Variants in KDM3A observed in about 807,000 individuals in gnomAD.
The protein encoded by KDM3A is lysine-specific demethylase 3A.
A neutral mutation model predicts 158.0 loss-of-function variants in KDM3A; 60 were observed. That is an observed-to-expected ratio of 0.38 (90% CI 0.31 to 0.47). The LOEUF (loss-of-function observed/expected upper bound fraction) is 0.47, where lower values mean the gene tolerates loss of function less well. Among genes scored for constraint, KDM3A ranks in the 20% least tolerant of loss-of-function variants. KDM3A has a pLI of 0.99. For missense variants in KDM3A, 1,319 were observed against 1,574.3 expected (o/e 0.84, Z 2.74); for synonymous variants, 608 against 549.3 (o/e 1.11, Z -1.49).
intron 21 of KDM3A, chr2:86,487,711 A>G (rs150607274): frequency 7.9e-5 from 12 of 152,188 alleles, no homozygotes; most frequent in Non-Finnish European, 1.3e-4. Flanking sequence ...TTAAAAGTCC[A>G]TGGTGTTTTG....
rs757047273 is a variant in KDM3A at position 86,470,428 on chromosome 2, G to A, written c.1724+20G>A. The A allele has an allele frequency of 1.2e-6, 2 of 1,608,108 alleles. No individual in the cohort carries two copies. ...CAGGAGGTGAGGCATTTTGGGAAAA[G>A]TTCAGATAATCTGGGCATACTTGTT... On this transcript the variant is annotated intron_variant, in intron 11 of 25. Coordinates refer to ENST00000312912, the MANE Select transcript of KDM3A (RefSeq NM_018433.6).
Position 86,492,123 on chromosome 2 carries a change from C to T in KDM3A, c.*4C>T, listed in dbSNP as rs1167755528. ...ATCCAGTTTTGGCAAACCTTAATCT[C>T]CCTGCACATTGGAAATGAATTACAG... is the stretch of plus-strand genomic sequence containing the variant. On this transcript the variant is annotated 3_prime_UTR_variant, in exon 26 of 26. Coordinates refer to ENST00000312912, the MANE Select transcript of KDM3A (RefSeq NM_018433.6). 3.7e-6 allele frequency: 6 copies of T among 1,605,716 alleles called. No homozygotes were observed. The South Asian group carries it at 6.6e-5, about 18-fold the overall frequency.
chr2:86,443,537 A>T (rs1052128341), intron 2 of KDM3A: 1 of 152,206 alleles, frequency 6.6e-6, no homozygotes, highest in Non-Finnish European at 1.5e-5. Flanking sequence ...TCTTGGGGGT[A>T]GGTACTAATA....
chr2:86,470,055 G>C lies in KDM3A; in HGVS notation c.1520-149G>C, dbSNP rs1330378112. 4 of 645,128 alleles carry C rather than the reference G, an allele frequency of 6.2e-6. No homozygotes were observed. The Admixed American group carries it at 1.2e-4, about 19-fold the overall frequency. The allele number at this position is 645,128 out of a possible 1,614,324, so 40.0% of individuals were successfully genotyped here. The stretch of plus-strand genomic sequence containing the variant: ...GTTATTCTGATAGTTGTCTTCTGTT[G>C]AGCCATTTTTAGAAATTACAATTGA... On this transcript the variant is annotated intron_variant, in intron 10 of 25. Coordinates refer to ENST00000312912, the MANE Select transcript of KDM3A (RefSeq NM_018433.6).
Position 86,492,186 on chromosome 2 carries a change from C to T in KDM3A, c.*67C>T. 8.6e-7 allele frequency: 1 copy of T among 1,161,512 alleles called. No individual in the cohort carries two copies. Among genetic ancestry groups the T allele is most frequent in the East Asian group, 2.4e-5 (1 of 41,900 alleles). 72.0% of individuals were successfully genotyped at this position (1,161,512 alleles called of 1,614,324 possible). A position where few individuals can be genotyped will look rare whatever the true frequency, so the allele number is the denominator to read the frequency against. ...ACTCTTCAGGCAGGATTCCTGTGGA[C>T]TTTGAGATTCATGTTACCTCATCTT... On this transcript the variant is annotated 3_prime_UTR_variant, in exon 26 of 26. Coordinates refer to ENST00000312912, the MANE Select transcript of KDM3A (RefSeq NM_018433.6).
At chr2:86,474,473 G>C (rs1454981360) in intron 11 of KDM3A, among the ~76,000 whole-genome samples, 4 of 152,002 alleles carry the variant, frequency 2.6e-5, no homozygotes, top group Non-Finnish European at 5.9e-5. Context: ...GACCAGCCTG[G>C]CCAACATAGC....
intron 23 of KDM3A, 123 bp downstream of exon 23, chr2:86,489,782 C>G (rs113213162): frequency 9.7e-7 from 1 of 1,031,318 alleles, no homozygotes; most frequent in Admixed American, 2.4e-5. Context: ...AAATCTGTAC[C>G]TGTCAGATTG....
chr2:86,491,574 G>A (rs1674456153), intron 25 of KDM3A: 3 of 404,016 alleles, frequency 7.4e-6, no homozygotes, highest in South Asian at 3.1e-5. Flanking sequence ...GCTGCCTGTC[G>A]GGGTCTTGAA....
intron 4 of KDM3A, among the ~76,000 whole-genome samples, chr2:86,452,360 ATATT>A (rs1196319652): frequency 6.6e-6 from 1 of 152,168 alleles, no homozygotes; most frequent in Non-Finnish European, 1.5e-5. Context: ...TAAGCAGTAT[ATATT>A]AAATAAGATG....
chr2:86,468,390 A>T (rs1178105697), intron 10 of KDM3A, among the ~76,000 whole-genome samples: 1 of 152,226 alleles, frequency 6.6e-6, no homozygotes, highest in Non-Finnish European at 1.5e-5. Context: ...GCTCTCACAC[A>T]CAGCTAGTTT....
intron 23 of KDM3A, 44 bp from the exon 24 acceptor site, chr2:86,490,837 C>A: frequency 1.3e-6 from 2 of 1,512,898 alleles, no homozygotes; most frequent in South Asian, 2.5e-5. Flanking sequence ...CTTATTGGGC[C>A]TTAGCATGTT....
chr2:86,469,387 G>T (rs1673300783), intron 10 of KDM3A, among the ~76,000 whole-genome samples: 1 of 152,112 alleles, frequency 6.6e-6, no homozygotes, highest in African/African-American at 2.4e-5. Context: ...CCTAAGAAAA[G>T]GTCTTTTCTG....
At chr2:86,457,536 A>G (rs1672758374) in intron 8 of KDM3A, among the ~76,000 whole-genome samples, 1 of 152,184 alleles carries the variant, frequency 6.6e-6, no homozygotes, top group Admixed American at 6.5e-5. Flanking sequence ...TGGAGATAAT[A>G]TAAGTTTATG....
rs113455153 is a variant in KDM3A, at chr2:86,481,836, A to C, written c.2513-94A>C. Reference sequence around the variant, plus strand: ...TATTTTTTTTGTTTCAGTAAATAGAAAGCAAGTTCTAAAGTAATTCTGCTA... The same window carrying C: ...TATTTTTTTTGTTTCAGTAAATAGACAGCAAGTTCTAAAGTAATTCTGCTA... On this transcript the variant is annotated intron_variant, in intron 16 of 25. Transcript: ENST00000312912. 81 of 943,270 alleles carry C rather than the reference A, an allele frequency of 8.6e-5. No individual in the cohort carries two copies. The African/African-American group carries it at 9.5e-4, about 11-fold the overall frequency. The allele number at this position is 943,270 out of a possible 1,614,324, so 58.4% of individuals were successfully genotyped here. A position where few individuals can be genotyped will look rare whatever the true frequency, so the allele number is the denominator to read the frequency against.
At chr2:86,470,177 T>G (rs768286941) in intron 10 of KDM3A, 27 bp from the exon 11 acceptor site, 4 of 1,605,100 alleles carry the variant, frequency 2.5e-6, no homozygotes, top group Non-Finnish European at 3.4e-6. Flanking sequence ...TTTGAGGTCC[T>G]GTCTCCTTAA....
intron 16 of KDM3A, among the ~76,000 whole-genome samples, chr2:86,480,711 T>C (rs1401514590): frequency 1.3e-5 from 2 of 152,132 alleles, no homozygotes; most frequent in Non-Finnish European, 2.9e-5. Flanking sequence ...GAAAAACCTT[T>C]ATATAGCTTT....
Position 86,492,250 on chromosome 2 carries a change from C to G in KDM3A, c.*131C>G, listed in dbSNP as rs1251031236. ...TACCCAACTTGTGAGGGTACTCTGT[C>G]TAATGTATATTTCTAGTGTTTACAG... On this transcript the variant is annotated 3_prime_UTR_variant, in exon 26 of 26. Coordinates refer to ENST00000312912, the MANE Select transcript of KDM3A (RefSeq NM_018433.6). 1 of 658,114 alleles carries G rather than the reference C, an allele frequency of 1.5e-6. No individual in the cohort carries two copies. Among genetic ancestry groups the G allele is most frequent in the African/African-American group, 1.8e-5 (1 of 55,300 alleles). 40.8% of individuals were successfully genotyped at this position (658,114 alleles called of 1,614,324 possible). A position where few individuals can be genotyped will look rare whatever the true frequency, so the allele number is the denominator to read the frequency against.
At chr2:86,485,060 CTG>C in intron 20 of KDM3A, 31 bp downstream of exon 20, 1 of 1,175,526 alleles carries the variant, frequency 8.5e-7, no homozygotes, top group South Asian at 1.3e-5. Flanking sequence ...AGAGATGATT[CTG>C]TCCTTCACTT....
At chr2:86,438,824 T>C (rs1259661086), upstream of KDM3A, among the ~76,000 whole-genome samples, 2 of 152,076 alleles carry the variant, frequency 1.3e-5, no homozygotes, top group Non-Finnish European at 2.9e-5. Context: ...TATTTTGAAA[T>C]AGTACCAAAT....
Sources: allele counts gnomAD v4.1 joint callset (sites outside exome capture counted in the v4.1 genomes callset), GRCh38; gene constraint gnomAD v4.1.1; transcripts MANE v1.5; gene names NCBI Gene and HGNC (gene_info 2026-07-23, HGNC 2026-07-21).